The following PRTFDC1 variants were observed in gnomAD, a reference collection of about 807,000 sequenced individuals.
PRTFDC1 encodes the protein phosphoribosyltransferase domain-containing protein 1.
A neutral mutation model predicts 34.6 loss-of-function variants in PRTFDC1; 38 were observed. The ratio of observed to expected loss-of-function variants is 1.10; its 90% CI spans 0.85 to 1.44. The LOEUF (loss-of-function observed/expected upper bound fraction) is 1.44, where lower values mean the gene tolerates loss of function less well. Ranked by LOEUF, PRTFDC1 falls within the 40% of genes most tolerant of loss-of-function variation. The probability of loss-of-function intolerance (pLI) is 0.00; values close to 1 mark genes in which losing one functional copy is unlikely to be tolerated. For synonymous variants in PRTFDC1, 93 were observed against 98.1 expected (o/e 0.95, Z 0.31); for missense variants, 270 against 283.0 (o/e 0.95, Z 0.33).
At position 24,849,418 on chromosome 10, in the gene PRTFDC1, T is replaced by C. The variant is rs112871867; in HGVS notation, c.*426A>G. The C allele has an allele frequency of 0.034, 5,316 of 154,186 alleles. 310 individuals carry two copies. The highest frequency in any genetic ancestry group is 0.12 in the African/African-American group (4,997 of 41,598). The allele number at this position is 154,186 out of a possible 1,614,324, so 9.6% of individuals were successfully genotyped here. A position where few individuals can be genotyped will look rare whatever the true frequency, so the allele number is the denominator to read the frequency against. On this transcript the variant is annotated 3_prime_UTR_variant, in exon 9 of 9. Coordinates refer to ENST00000320152, the MANE Select transcript of PRTFDC1 (RefSeq NM_020200.7). The stretch of plus-strand genomic sequence containing the variant: ...CGGTATAGGGGACTCAAGTCTTCAG[T>C]TAAAAAAAAGTCCCCAGCTTCTTAA...
At chr10:24,889,229 G>T (rs1293893763) in intron 3 of PRTFDC1, among the ~76,000 whole-genome samples, 1 of 152,106 alleles carries the variant, frequency 6.6e-6, no homozygotes, top group African/African-American at 2.4e-5. Context: ...GGACATGAAA[G>T]TGGGACCTCG....
chr10:24,895,543 G>A (rs1037777538), intron 3 of PRTFDC1, among the ~76,000 whole-genome samples: 5 of 151,000 alleles, frequency 3.3e-5, no homozygotes, highest in African/African-American at 9.7e-5. Context: ...GAGCCACCAC[G>A]CCCAGTCTTC....
At chr10:24,865,904 C>T (rs950476305) in intron 4 of PRTFDC1, among the ~76,000 whole-genome samples, 6 of 152,116 alleles carry the variant, frequency 3.9e-5, no homozygotes, top group Non-Finnish European at 7.4e-5. Flanking sequence ...TTTAGCATTT[C>T]GTTTTATGTG....
At chr10:24,907,324 G>A (rs1848552214) in intron 3 of PRTFDC1, among the ~76,000 whole-genome samples, 1 of 152,238 alleles carries the variant, frequency 6.6e-6, no homozygotes, top group Admixed American at 6.5e-5. Flanking sequence ...GCTGGGTGTG[G>A]TGGCTCATGC....
chr10:24,869,871 C>T (rs1037651883), intron 4 of PRTFDC1, among the ~76,000 whole-genome samples: 1 of 152,196 alleles, frequency 6.6e-6, no homozygotes, highest in African/African-American at 2.4e-5. Context: ...TCCCTCTGCC[C>T]TGTCCTCTCT....
chr10:24,886,133 G>A (rs1848159757), intron 3 of PRTFDC1, among the ~76,000 whole-genome samples: 1 of 152,088 alleles, frequency 6.6e-6, no homozygotes, highest in Non-Finnish European at 1.5e-5. Context: ...TGCAAACTAC[G>A]AACTTTGGGT....
intron 1 of PRTFDC1, among the ~76,000 whole-genome samples, chr10:24,951,093 A>G (rs1849335002): frequency 6.6e-6 from 1 of 152,052 alleles, no homozygotes; most frequent in Non-Finnish European, 1.5e-5. Context: ...ATCGGATACA[A>G]TGATTCTTTT....
chr10:24,942,749 T>A (rs563380008), intron 1 of PRTFDC1, among the ~76,000 whole-genome samples: 1 of 152,242 alleles, frequency 6.6e-6, no homozygotes, highest in Non-Finnish European at 1.5e-5. Context: ...CCAGGTTCAA[T>A]CAGTTCTTCT....
At chr10:24,871,786 G>C (rs1289157433) in intron 4 of PRTFDC1, among the ~76,000 whole-genome samples, 7 of 152,156 alleles carry the variant, frequency 4.6e-5, no homozygotes, top group Non-Finnish European at 1.5e-5. Flanking sequence ...AGGAAGCTCG[G>C]AGAAGAAAGA....
At chr10:24,876,505 C>A (rs1847966027) in intron 3 of PRTFDC1, among the ~76,000 whole-genome samples, 1 of 151,878 alleles carries the variant, frequency 6.6e-6, no homozygotes, top group Admixed American at 6.6e-5. Flanking sequence ...CCCAGCCTGA[C>A]CAATATGGTG....
intron 3 of PRTFDC1, among the ~76,000 whole-genome samples, chr10:24,876,206 C>T (rs1847959987): frequency 6.6e-6 from 1 of 151,628 alleles, no homozygotes; most frequent in Non-Finnish European, 1.5e-5. Flanking sequence ...ATAGTGAGAC[C>T]AACGTTTCTA....
At chr10:24,883,516 T>C (rs932414689) in intron 3 of PRTFDC1, among the ~76,000 whole-genome samples, 1 of 152,104 alleles carries the variant, frequency 6.6e-6, no homozygotes, top group African/African-American at 2.4e-5. Flanking sequence ...GGATCTTTAT[T>C]TCAGTTTAGT....
At chr10:24,887,172 T>C (rs544643343) in intron 3 of PRTFDC1, among the ~76,000 whole-genome samples, 14 of 150,958 alleles carry the variant, frequency 9.3e-5, no homozygotes, top group Admixed American at 5.3e-4. Flanking sequence ...GGGTTTCACC[T>C]TGTTAGCCAG....
At chr10:24,873,453 G>GA (rs953204019) in intron 3 of PRTFDC1, among the ~76,000 whole-genome samples, 1 of 152,142 alleles carries the variant, frequency 6.6e-6, no homozygotes, top group African/African-American at 2.4e-5. Context: ...ACCTTGGGGA[G>GA]AAAAAAACAA....
intron 3 of PRTFDC1, among the ~76,000 whole-genome samples, chr10:24,882,027 T>TA (rs773971979): frequency 4.5e-4 from 68 of 151,658 alleles, no homozygotes; most frequent in Non-Finnish European, 7.5e-4. Flanking sequence ...GCCAACACGG[T>TA]AAAACCCTGT....
intron 3 of PRTFDC1, among the ~76,000 whole-genome samples, chr10:24,936,044 T>C (rs768612331): frequency 6.6e-6 from 1 of 152,184 alleles, no homozygotes; most frequent in Non-Finnish European, 1.5e-5. Context: ...CACGTGTATG[T>C]TGGTTTAAGC....
In PRTFDC1 at chr10:24,905,113, C is replaced by T. The variant is rs77902718; in HGVS notation, c.339+32071G>A. Among the ~76,000 whole-genome samples, 1,475 of 151,648 alleles carry T rather than the reference C, an allele frequency of 9.7e-3. 28 individuals carry two copies. The highest frequency in any genetic ancestry group is 0.034 in the African/African-American group (1,407 of 41,280). On this transcript the variant is annotated intron_variant, in intron 3 of 8. Coordinates refer to ENST00000320152, the MANE Select transcript of PRTFDC1 (RefSeq NM_020200.7). Reference sequence around the variant, plus strand: ...CTTGAGCGCAGGAGTTTTAAACCAGCCTGGACAACATGAAGACCCTTTGTG... The same window carrying T: ...CTTGAGCGCAGGAGTTTTAAACCAGTCTGGACAACATGAAGACCCTTTGTG...
At chr10:24,856,322 C>G (rs1347178997) in intron 6 of PRTFDC1, among the ~76,000 whole-genome samples, 1 of 149,294 alleles carries the variant, frequency 6.7e-6, no homozygotes, top group African/African-American at 2.5e-5. Context: ...TGCAGTGGCT[C>G]GTGCCTGTAA....
intron 7 of PRTFDC1, among the ~76,000 whole-genome samples, chr10:24,853,473 G>A (rs745942353): frequency 6.6e-6 from 1 of 152,208 alleles, no homozygotes; most frequent in South Asian, 2.1e-4. Context: ...TTAGCCAGGT[G>A]TGGTGGTACC....
Sources: gnomAD v4.1 joint callset for allele counts (sites outside exome capture counted in the v4.1 genomes callset) on GRCh38, gnomAD v4.1.1 for gene constraint, MANE v1.5 for transcripts, NCBI Gene and HGNC (gene_info 2026-07-23, HGNC 2026-07-21) for gene names.